Variants in MED27 observed in about 807,000 individuals in gnomAD.
MED27 encodes mediator of RNA polymerase II transcription subunit 27.
A neutral mutation model predicts 38.2 loss-of-function variants in MED27; 30 were observed. The ratio of observed to expected loss-of-function variants is 0.79; its 90% confidence interval spans 0.59 to 1.07. The LOEUF is 1.07. Among genes scored for constraint, MED27 ranks in the 50% least tolerant of loss-of-function variants. The probability of loss-of-function intolerance (pLI) is 0.00; values close to 1 mark genes in which losing one functional copy is unlikely to be tolerated. For synonymous variants in MED27, 122 were observed against 153.5 expected (o/e 0.79, Z 1.52); for missense variants, 289 against 397.5 (o/e 0.73, Z 2.32).
intron 4 of MED27, among the ~76,000 whole-genome samples, chr9:131,927,994 C>A (rs1830512690): frequency 6.6e-6 from 1 of 152,192 alleles, no homozygotes; most frequent in Non-Finnish European, 1.5e-5. Flanking sequence ...AGTCCAATGA[C>A]TTCATGCTGT....
intron 3 of MED27, 113 bp downstream of exon 3, chr9:132,014,223 AG>A: frequency 8.3e-7 from 1 of 1,201,744 alleles, no homozygotes; most frequent in African/African-American, 1.5e-5. Context: ...TCTCAAAAAA[AG>A]GAAGGGAGGG....
chr9:131,937,515 C>T lies in MED27; in HGVS notation c.573+1866G>A, dbSNP rs138576471. ...GACAGAAGCTCCATGGGAAAGCAGG[C>T]GAGGTCGACCATCACTGTGAAATAC... On this transcript the variant is annotated intron_variant, in intron 4 of 7. Transcript: ENST00000292035. Among the ~76,000 whole-genome samples, 11 of 152,294 alleles carry T rather than the reference C, an allele frequency of 7.2e-5. No individual in the cohort carries two copies. In the East Asian group the frequency reaches 1.9e-3, roughly 27 times the overall value.
chr9:131,906,518 G>A (rs148372881), intron 4 of MED27, among the ~76,000 whole-genome samples: 1 of 152,336 alleles, frequency 6.6e-6, no homozygotes, highest in African/African-American at 2.4e-5. Flanking sequence ...ATGAGGAGCT[G>A]AGTTTTGTCT....
chr9:132,069,385 A>C (rs1052792256), intron 2 of MED27, among the ~76,000 whole-genome samples: 2 of 152,234 alleles, frequency 1.3e-5, no homozygotes, highest in Non-Finnish European at 2.9e-5. Flanking sequence ...ACCACAACTA[A>C]TAAGTAGAAC....
At chr9:131,880,886 ATACT>A (rs1473850864) in intron 6 of MED27, among the ~76,000 whole-genome samples, 1 of 152,060 alleles carries the variant, frequency 6.6e-6, no homozygotes, top group African/African-American at 2.4e-5. Flanking sequence ...GCATTAAAAA[ATACT>A]TAATACTACA....
chr9:131,932,015 A>T (rs1180279732), intron 4 of MED27, among the ~76,000 whole-genome samples: 1 of 152,184 alleles, frequency 6.6e-6, no homozygotes, highest in Admixed American at 6.5e-5. Flanking sequence ...TATTTACAGA[A>T]CACTTCATCC....
intron 3 of MED27, among the ~76,000 whole-genome samples, chr9:131,969,678 G>C (rs1308810229): frequency 6.6e-6 from 1 of 152,148 alleles, no homozygotes; most frequent in Non-Finnish European, 1.5e-5. Context: ...ATGAAGAGCA[G>C]GTCCGGGGTG....
intron 4 of MED27, among the ~76,000 whole-genome samples, chr9:131,926,189 T>C (rs1222491241): frequency 6.6e-6 from 1 of 152,248 alleles, no homozygotes; most frequent in Admixed American, 6.5e-5. Flanking sequence ...ACAGGCTCCG[T>C]GAGGGCAAAA....
At chr9:132,014,300 C>T in intron 3 of MED27, 37 bp downstream of exon 3, 1 of 1,584,868 alleles carries the variant, frequency 6.3e-7, no homozygotes, top group Non-Finnish European at 8.6e-7. Flanking sequence ...AAAAAGTTCA[C>T]CCAGTACTAA....
chr9:132,042,743 G>C (rs1420394940), intron 2 of MED27, among the ~76,000 whole-genome samples: 1 of 152,202 alleles, frequency 6.6e-6, no homozygotes, highest in East Asian at 1.9e-4. Context: ...GTTGATGTGA[G>C]TTATAAAAAT....
intron 3 of MED27, among the ~76,000 whole-genome samples, chr9:131,945,335 A>G (rs1324201002): frequency 6.6e-6 from 1 of 151,882 alleles, no homozygotes; most frequent in Non-Finnish European, 1.5e-5. Context: ...TATATTTATC[A>G]TGTACAACCT....
At chr9:131,922,836 AC>A (rs891320174) in intron 4 of MED27, among the ~76,000 whole-genome samples, 2 of 151,620 alleles carry the variant, frequency 1.3e-5, no homozygotes, top group African/African-American at 4.8e-5. Context: ...CTGGTCTCAA[AC>A]TCCTGACCTC....
chr9:131,999,158 A>C (rs1201536436), intron 3 of MED27, among the ~76,000 whole-genome samples: 5 of 152,224 alleles, frequency 3.3e-5, no homozygotes, highest in Non-Finnish European at 7.3e-5. Flanking sequence ...CTGCAAAGAA[A>C]GAGTTCCATT....
chr9:131,988,952 T>C (rs1394434579), intron 3 of MED27, among the ~76,000 whole-genome samples: 1 of 152,236 alleles, frequency 6.6e-6, no homozygotes, highest in Non-Finnish European at 1.5e-5. Context: ...GTTCTTTTTT[T>C]AATTTTACTT....
In MED27 at chr9:132,051,744, A is replaced by G. The variant is rs931583713; in HGVS notation, c.348+25698T>C. On this transcript the variant is annotated intron_variant, in intron 2 of 7. Transcript: ENST00000292035. The surrounding 1 kb of genome is among the most constrained non-coding windows in gnomAD (Gnocchi z 4.2). The stretch of plus-strand genomic sequence containing the variant: ...CAACAGTTACATGTGGCTAGTGGCT[A>G]CCACGTGGGATAATGTGGATACAGA... 6.6e-6 allele frequency among the ~76,000 whole-genome samples: 1 copy of G among 152,090 alleles called. No homozygotes were observed. Among genetic ancestry groups the G allele is most frequent in the African/African-American group, 2.4e-5 (1 of 41,422 alleles).
At chr9:131,875,428 C>T (rs1838913947) in intron 6 of MED27, among the ~76,000 whole-genome samples, 1 of 152,112 alleles carries the variant, frequency 6.6e-6, no homozygotes, top group African/African-American at 2.4e-5. Context: ...TGTCTGACTC[C>T]AGCCTATACC....
intron 2 of MED27, among the ~76,000 whole-genome samples, chr9:132,019,390 T>TA (rs1832671616): frequency 1.3e-5 from 2 of 152,176 alleles, no homozygotes; most frequent in Admixed American, 1.3e-4. Context: ...GCTGGCCTCT[T>TA]ACGAAAGCAA....
intron 4 of MED27, among the ~76,000 whole-genome samples, chr9:131,908,583 C>A (rs1830126628): frequency 6.6e-6 from 1 of 152,180 alleles, no homozygotes; most frequent in African/African-American, 2.4e-5. Flanking sequence ...TTACCCCCAA[C>A]CCAGTGCTCT....
intron 2 of MED27, among the ~76,000 whole-genome samples, chr9:132,074,922 CAG>C (rs1834013533): frequency 2.0e-5 from 3 of 152,334 alleles, no homozygotes; most frequent in South Asian, 4.1e-4. Flanking sequence ...AGCGCCAGAA[CAG>C]AGAGTTACAA....
Sources: allele counts gnomAD v4.1 joint callset (sites outside exome capture counted in the v4.1 genomes callset), GRCh38; gene constraint gnomAD v4.1.1; non-coding constraint Gnocchi (gnomAD v3.1); transcripts MANE v1.5; gene names NCBI Gene and HGNC (gene_info 2026-07-23, HGNC 2026-07-21).